The following MOCOS variants were observed in gnomAD, a reference collection of about 807,000 sequenced individuals.
The protein encoded by MOCOS is human molybdenum cofactor sulfurase.
MOCOS carries 86 observed loss-of-function variants against 83.6 expected under a neutral mutation model. The ratio of observed to expected loss-of-function variants is 1.03; its 90% CI spans 0.86 to 1.23. MOCOS has a LOEUF of 1.23. Ranked by LOEUF, MOCOS falls within the 50% of genes most tolerant of loss-of-function variation. The pLI, the probability that MOCOS is intolerant of heterozygous loss-of-function variation, is 0.00. For synonymous variants in MOCOS, 445 were observed against 434.7 expected, an observed-to-expected ratio of 1.02 and a Z score of -0.29; for missense variants, 1,120 against 1,126.9, an observed-to-expected ratio of 0.99 and a Z score of 0.09.
chr18:36,269,779 TTTTCCAGTCAC>T lies in MOCOS; in HGVS notation c.*1097_*1107del, dbSNP rs1256363288. The T allele has an allele frequency of 1.3e-5, 2 of 152,282 alleles. No homozygotes were observed. The highest frequency in any genetic ancestry group is 4.8e-5 in the African/African-American group (2 of 41,410). The allele number at this position is 152,282 out of a possible 1,614,324, so 9.4% of individuals were successfully genotyped here. On this transcript the variant is annotated 3_prime_UTR_variant, in exon 15 of 15. Coordinates refer to ENST00000261326, the MANE Select transcript of MOCOS (RefSeq NM_017947.4). Reference sequence around the variant, plus strand: ...TCATCTTCCCCCTGGATGGTTGTATTTTTCCAGTCACTTCTCCCCCAAATGTCTGCCTGCTG... The same window carrying T: ...TCATCTTCCCCCTGGATGGTTGTATTTTCTCCCCCAAATGTCTGCCTGCTG...
chr18:36,214,497 C>T (rs2091468322), intron 7 of MOCOS, among the ~76,000 whole-genome samples: 1 of 152,056 alleles, frequency 6.6e-6, no homozygotes, highest in Non-Finnish European at 1.5e-5. Context: ...GATTCTGCGT[C>T]TCCCAGAATC....
At chr18:36,241,225 C>G (rs985806847) in intron 9 of MOCOS, among the ~76,000 whole-genome samples, 2 of 152,184 alleles carry the variant, frequency 1.3e-5, no homozygotes, top group African/African-American at 4.8e-5. Flanking sequence ...AAAGTCTCAT[C>G]TGAGACAAGG....
At chr18:36,231,532 A>G (rs985102496) in intron 9 of MOCOS, among the ~76,000 whole-genome samples, 4 of 152,186 alleles carry the variant, frequency 2.6e-5, no homozygotes, top group Admixed American at 2.6e-4. Flanking sequence ...CTACTGTGAC[A>G]TAGTAAGTTT....
At chr18:36,213,793 A>G (rs1043243648) in intron 7 of MOCOS, among the ~76,000 whole-genome samples, 1 of 151,822 alleles carries the variant, frequency 6.6e-6, no homozygotes, top group Admixed American at 6.6e-5. Context: ...GCCAGGCATG[A>G]TGGCATGCGC....
Position 36,248,938 on chromosome 18 carries a change from G to T in MOCOS, c.1977G>T (p.Glu659Asp), listed in dbSNP as rs763540804. 3.1e-6 allele frequency: 5 copies of T among 1,614,100 alleles called. No homozygotes were observed. In the South Asian group the frequency reaches 4.4e-5, roughly 14 times the overall value. ...GTTCATTAGGGATGGAGCCTATAGA[G>T]GTGCCTCTTGAGGAAAATAGTGAAC... ...VIKAKGMEPI[E>D]VPLEENSERT... The change falls in exon 10 of 15, where the codon GAG becomes GAT. Residue 659 changes from glutamate to aspartate, a missense_variant. By Grantham distance (45) the Glu-to-Asp change is conservative. Coordinates refer to ENST00000261326, the MANE Select transcript of MOCOS (RefSeq NM_017947.4).
intron 6 of MOCOS, among the ~76,000 whole-genome samples, chr18:36,209,176 C>CT (rs572530218): frequency 8.2e-4 from 119 of 145,068 alleles, no homozygotes; most frequent in Middle Eastern, 3.6e-3. Flanking sequence ...TTCTCTTCTT[C>CT]TTTTTTTTTT....
At chr18:36,248,732 G>A (rs151026912) in intron 9 of MOCOS, among the ~76,000 whole-genome samples, 190 bp from the exon 10 acceptor site, 1 of 152,126 alleles carries the variant, frequency 6.6e-6, no homozygotes, top group African/African-American at 2.4e-5. Flanking sequence ...TGACACCTTT[G>A]TCAGAAATCA....
chr18:36,239,776 C>T (rs894553671), intron 9 of MOCOS, among the ~76,000 whole-genome samples: 38 of 150,132 alleles, frequency 2.5e-4, no homozygotes, highest in Non-Finnish European at 4.8e-4. Context: ...GTACACCAAT[C>T]AGACGTAGAT....
At chr18:36,257,649 C>T (rs533398672) in intron 12 of MOCOS, among the ~76,000 whole-genome samples, 52 of 152,262 alleles carry the variant, frequency 3.4e-4, no homozygotes, top group Admixed American at 6.5e-4. Flanking sequence ...CCAACCCTCT[C>T]GTTGTTCTTT....
At chr18:36,217,320 G>C (rs760595365) in intron 8 of MOCOS, among the ~76,000 whole-genome samples, 1 of 152,116 alleles carries the variant, frequency 6.6e-6, no homozygotes, top group African/African-American at 2.4e-5. Flanking sequence ...GTTTATGGGA[G>C]CTCTGTGAAC....
intron 13 of MOCOS, among the ~76,000 whole-genome samples, chr18:36,265,317 G>A (rs769654010): frequency 7.9e-5 from 12 of 152,318 alleles, no homozygotes; most frequent in East Asian, 7.7e-4. Flanking sequence ...TGAGACAGTC[G>A]TTATCTCAGA....
rs570156045 is a variant in MOCOS, at chr18:36,207,560, A to AT, written c.1218+2291dup. ...TCTCTCATGATTAATGATGTCGAAC[A>AT]TTTTTTTCATATGCTATTGGCTGCA... On this transcript the variant is annotated intron_variant, in intron 6 of 14. Transcript: ENST00000261326. Among the ~76,000 whole-genome samples the AT allele has an allele frequency of 4.5e-3, 605 of 135,272 alleles. 2 individuals carry two copies. The highest frequency in any genetic ancestry group is 0.016 in the African/African-American group (582 of 37,340). 88.7% of individuals were successfully genotyped at this position (135,272 alleles called of 152,430 possible).
At chr18:36,241,993 C>T (rs2091585469) in intron 9 of MOCOS, among the ~76,000 whole-genome samples, 1 of 152,206 alleles carries the variant, frequency 6.6e-6, no homozygotes, top group African/African-American at 2.4e-5. Context: ...TTTTTTCCTC[C>T]TAGGCCTCCG....
chr18:36,266,907 A>G lies in MOCOS; in HGVS notation c.2514+54A>G, dbSNP rs551236470. On this transcript the variant is annotated intron_variant, in intron 14 of 14. Coordinates refer to ENST00000261326, the MANE Select transcript of MOCOS (RefSeq NM_017947.4). ...GGTTTCCAATCCTGGTGTTATCAATACCAGAACTATGTTCATAATAGCACA... is the reference window on the plus strand; with the variant it reads ...GGTTTCCAATCCTGGTGTTATCAATGCCAGAACTATGTTCATAATAGCACA... 25 of 1,397,244 alleles carry G rather than the reference A, an allele frequency of 1.8e-5. No homozygotes were observed. In the Admixed American group the frequency reaches 4.4e-4, roughly 24 times the overall value. The allele number at this position is 1,397,244 out of a possible 1,614,324, so 86.6% of individuals were successfully genotyped here.
intron 12 of MOCOS, among the ~76,000 whole-genome samples, chr18:36,258,641 C>T (rs1366118842): frequency 6.6e-6 from 1 of 152,122 alleles, no homozygotes; most frequent in Non-Finnish European, 1.5e-5. Context: ...ATACTCTAAC[C>T]ATGCCTGAGG....
intron 9 of MOCOS, among the ~76,000 whole-genome samples, chr18:36,247,131 ATGGGGGAAAGCTGGCATTGAAAGACC>A (rs1276856373): frequency 6.6e-6 from 1 of 152,158 alleles, no homozygotes; most frequent in East Asian, 1.9e-4. Flanking sequence ...CTCCAGAGAC[ATGGGGGAAAGCTGGCATTGAAAGACC>A]TCACCCAGCT....
intron 9 of MOCOS, among the ~76,000 whole-genome samples, chr18:36,222,489 A>G: frequency 6.6e-6 from 1 of 151,788 alleles, no homozygotes; most frequent in East Asian, 1.9e-4. Context: ...TTCCCTCATT[A>G]TTAGTGATGT....
chr18:36,195,224 A>G (rs2091382300), intron 1 of MOCOS, 33 bp from the exon 2 acceptor site: 3 of 1,592,150 alleles, frequency 1.9e-6, no homozygotes, highest in Non-Finnish European at 2.6e-6. Flanking sequence ...GATTCAGGTA[A>G]AATTTTAGTA....
At chr18:36,220,607 G>T (rs1056096371) in intron 9 of MOCOS, among the ~76,000 whole-genome samples, 1 of 152,170 alleles carries the variant, frequency 6.6e-6, no homozygotes, top group Non-Finnish European at 1.5e-5. Flanking sequence ...AATTTCGGGA[G>T]ACAGAAAGAT....
Sources: allele counts gnomAD v4.1 joint callset (sites outside exome capture counted in the v4.1 genomes callset), GRCh38; gene constraint gnomAD v4.1.1; transcripts MANE v1.5; gene names NCBI Gene and HGNC (gene_info 2026-07-23, HGNC 2026-07-21).